PACS2: variants seen among roughly 807,000 people sequenced by gnomAD.
PACS2 encodes PACS1-like protein.
In PACS2, 36 loss-of-function variants were observed where a neutral mutation model predicts 113.0. The observed-to-expected ratio is 0.32, with a 90% CI of 0.24 to 0.42. The LOEUF is 0.42. Among genes scored for constraint, PACS2 ranks in the 10% least tolerant of loss-of-function variants. PACS2 has a pLI of 1.00. For synonymous variants in PACS2, 589 were observed against 536.1 expected, an observed-to-expected ratio of 1.10 and a Z score of -1.36; for missense variants, 1,015 against 1,239.5, an observed-to-expected ratio of 0.82 and a Z score of 2.72.
chr14:105,360,549 A>G (rs2060640772), intron 4 of PACS2, among the ~76,000 whole-genome samples: 3 of 151,666 alleles, frequency 2.0e-5, no homozygotes, highest in African/African-American at 7.3e-5. Context: ...TCTCAAAAAA[A>G]AAAAAAAAAG....
rs979785578 is a variant in PACS2 at position 105,330,242 on chromosome 14, A to T, written c.119+15205A>T. Among the ~76,000 whole-genome samples the T allele has an allele frequency of 6.7e-5, 6 of 89,498 alleles. No homozygotes were observed. The highest frequency in any genetic ancestry group is 1.3e-4 in the Non-Finnish European group (6 of 46,978). 58.7% of individuals were successfully genotyped at this position (89,498 alleles called of 152,430 possible). A position where few individuals can be genotyped will look rare whatever the true frequency, so the allele number is the denominator to read the frequency against. On this transcript the variant is annotated intron_variant, in intron 1 of 24. Coordinates refer to ENST00000447393, the MANE Select transcript of PACS2 (RefSeq NM_001100913.3). This position sits in a 1 kb window ranked among gnomAD's most constrained non-coding sequence, Gnocchi z 6.9. ...TGTGTGGGACGGAACGGGGACAGGG[A>T]GCCTCCGAGAAGCCTGGGGTCCGTG... is the stretch of plus-strand genomic sequence containing the variant.
rs1252899760 is a variant in PACS2, at chr14:105,383,489, A to G, written c.1756A>G (p.Met586Val). 2.5e-6 allele frequency: 4 copies of G among 1,601,456 alleles called. No individual in the cohort carries two copies. The highest frequency in any genetic ancestry group is 1.7e-5 in the Admixed American group (1 of 59,686). The change falls in exon 16 of 25, where the codon ATG becomes GTG. Residue 586 changes from methionine (M) to valine (V), a missense_variant. By Grantham distance (21) the Met-to-Val change is conservative (BLOSUM62 1). This residue lies in a region of PACS2 where 859 missense variants were observed against 1,056.8 expected (regional missense o/e 0.81). Transcript: ENST00000447393. The stretch of plus-strand genomic sequence containing the variant: ...CAAGACACCCGACTGGCTCGGCTAC[A>G]TGCGCTTCCTGGTCATCCCACTGGG... ...SHKTPDWLGY[M>V]RFLVIPLGSH...
In PACS2 at chr14:105,340,899, C is replaced by T. The variant is rs1252112621; in HGVS notation, c.120-7594C>T. Among the ~76,000 whole-genome samples the T allele has an allele frequency of 6.6e-6, 1 of 152,252 alleles. No homozygotes were observed. Among genetic ancestry groups the T allele is most frequent in the South Asian group, 2.1e-4 (1 of 4,832 alleles). ...GGGCCTGCTGCCTCTGCTCAGGGCC[C>T]CTAGTGGGGCTGCTTGCTCAGCACC... is the stretch of plus-strand genomic sequence containing the variant. On this transcript the variant is annotated intron_variant, in intron 1 of 24. Transcript: ENST00000447393. This position sits in a 1 kb window ranked among gnomAD's most constrained non-coding sequence, Gnocchi z 4.2.
At chr14:105,394,508 G>A (rs1555415966) in intron 24 of PACS2, 46 bp from the exon 25 acceptor site, 3 of 1,604,100 alleles carry the variant, frequency 1.9e-6, no homozygotes, top group Non-Finnish European at 2.6e-6. Flanking sequence ...GATAGGGTGG[G>A]CAGGCCGGGC....
chr14:105,364,493 C>T (rs868960174), intron 4 of PACS2, among the ~76,000 whole-genome samples: 1 of 141,018 alleles, frequency 7.1e-6, no homozygotes, highest in Non-Finnish European at 1.5e-5. Flanking sequence ...GGTGGCGGCC[C>T]GGGTGCGCGG....
chr14:105,390,150 T>G, intron 20 of PACS2, 147 bp downstream of exon 20: 1 of 781,302 alleles, frequency 1.3e-6, no homozygotes, highest in South Asian at 1.4e-5. Context: ...CTGGCCTGTC[T>G]CAAAGCTCGC....
rs1555408533 is a variant in PACS2, at chr14:105,368,500, G to A, written c.702G>A (p.Lys234=). ...ACTTTGACGTGGGGAAGCCGAAGAA[G>A]CAGCGGAGATCGATTGTAAGAACGA... is the stretch of plus-strand genomic sequence containing the variant. ...EDDFDVGKPK[K]QRRSIVRTTS... Residue 234 remains lysine (K), a synonymous_variant, in exon 7 of 25, where the codon AAG becomes AAA. Coordinates refer to ENST00000447393, the MANE Select transcript of PACS2 (RefSeq NM_001100913.3). The A allele has an allele frequency of 1.2e-6, 2 of 1,614,104 alleles. No homozygotes were observed. The highest frequency in any genetic ancestry group is 1.1e-5 in the South Asian group (1 of 91,086).
In PACS2 at chr14:105,382,846, G is replaced by C. The variant is rs1555412428; in HGVS notation, c.1558G>C (p.Val520Leu). The C allele has an allele frequency of 1.2e-6, 2 of 1,607,530 alleles. No homozygotes were observed. The highest frequency in any genetic ancestry group is 1.7e-6 in the Non-Finnish European group (2 of 1,179,468). The change falls in exon 15 of 25, where the codon GTG becomes CTG. Residue 520 changes from valine to leucine, a missense_variant. Val to Leu is a conservative substitution (Grantham distance 32, BLOSUM62 1). Around this residue, in one of 3 missense-constraint regions of PACS2, gnomAD observed 859 missense variants for 1,056.8 expected, o/e 0.81. Transcript: ENST00000447393. ...DVLQRHTLPV[V>L]CTCSPADVQA... ...CCTGCAGAGGCACACGCTCCCCGTG[G>C]TGTGCACGTGCTCTCCTGCGGACGT...
chr14:105,337,026 G>A (rs949089000), intron 1 of PACS2, among the ~76,000 whole-genome samples: 4 of 152,134 alleles, frequency 2.6e-5, no homozygotes, highest in East Asian at 1.9e-4. Flanking sequence ...GTGGCCCTCC[G>A]CACCACCCAG....
intron 1 of PACS2, among the ~76,000 whole-genome samples, chr14:105,337,784 C>T (rs971964481): frequency 4.6e-5 from 7 of 152,208 alleles, no homozygotes; most frequent in Admixed American, 2.0e-4. Context: ...GGCCTCTGTG[C>T]CTCTGAACAA....
rs1555408052 is a variant in PACS2, at chr14:105,366,948, C to CT, written c.424-264dup. ...CCTCTCCAGCACAGCCCAGTGCCCT[C>CT]TGCTTATGGCCCGTTCGTGAAAGCT... On this transcript the variant is annotated intron_variant, in intron 4 of 24. Coordinates refer to ENST00000447393, the MANE Select transcript of PACS2 (RefSeq NM_001100913.3). This position sits in a 1 kb window ranked among gnomAD's most constrained non-coding sequence, Gnocchi z 4.3. Among the ~76,000 whole-genome samples, 1 of 152,200 alleles carries CT rather than the reference C, an allele frequency of 6.6e-6. No homozygotes were observed. Among genetic ancestry groups the CT allele is most frequent in the African/African-American group, 2.4e-5 (1 of 41,448 alleles).
chr14:105,349,761 C>G (rs1044500659), intron 2 of PACS2, among the ~76,000 whole-genome samples: 5 of 152,198 alleles, frequency 3.3e-5, no homozygotes, highest in Non-Finnish European at 5.9e-5. Flanking sequence ...TGGCCAGGTT[C>G]CCCGGGTGGT....
In PACS2 at chr14:105,356,907, G is replaced by A. The variant is rs1474330308; in HGVS notation, c.423+1730G>A. ...CCTGCTGATCCCTGCTGGTCCCTGT[G>A]TTTCCCATTAGCCATGCAGGCGATG... On this transcript the variant is annotated intron_variant, in intron 4 of 24. Coordinates refer to ENST00000447393, the MANE Select transcript of PACS2 (RefSeq NM_001100913.3). The surrounding 1 kb of genome is among the most constrained non-coding windows in gnomAD (Gnocchi z 4.0). 6.8e-6 allele frequency among the ~76,000 whole-genome samples: 1 copy of A among 146,036 alleles called. No homozygotes were observed. The highest frequency in any genetic ancestry group is 2.7e-5 in the African/African-American group (1 of 36,414).
intron 1 of PACS2, among the ~76,000 whole-genome samples, chr14:105,326,215 C>T (rs929451063): frequency 6.6e-6 from 1 of 152,162 alleles, no homozygotes; most frequent in African/African-American, 2.4e-5. Context: ...ACAGGTGGGG[C>T]GGGGGCTCCC....
At chr14:105,353,056 C>T (rs587762930) in intron 3 of PACS2, among the ~76,000 whole-genome samples, 59 of 108,812 alleles carry the variant, frequency 5.4e-4, no homozygotes, top group South Asian at 1.1e-3. Flanking sequence ...CCTGGGGAGA[C>T]GGGCACCCCC....
rs587596189 is a variant in PACS2 at position 105,354,807 on chromosome 14, G to A, written c.298-245G>A. 4.6e-5 allele frequency among the ~76,000 whole-genome samples: 7 copies of A among 152,348 alleles called. No homozygotes were observed. Among genetic ancestry groups the A allele is most frequent in the East Asian group, 3.9e-4 (2 of 5,184 alleles). On this transcript the variant is annotated intron_variant, in intron 3 of 24. Coordinates refer to ENST00000447393, the MANE Select transcript of PACS2 (RefSeq NM_001100913.3). The surrounding 1 kb of genome is among the most constrained non-coding windows in gnomAD (Gnocchi z 4.2). The stretch of plus-strand genomic sequence containing the variant: ...CACCTGCCATGGCTGTTAGCGTGGC[G>A]CGGAGCCCTCAGGGCCTGAGCTCTG...
At chr14:105,314,305 T>G (rs957419894), upstream of PACS2, 2 of 138,128 alleles carry the variant, frequency 1.4e-5, no homozygotes, top group Non-Finnish European at 1.6e-5. Flanking sequence ...CATGGCGGGG[T>G]GGAGGCGGGA....
chr14:105,327,322 A>G (rs1246853778), intron 1 of PACS2, among the ~76,000 whole-genome samples: 9 of 152,328 alleles, frequency 5.9e-5, no homozygotes, highest in African/African-American at 2.2e-4. Context: ...CGGCCAGGTC[A>G]GTGCCTGCCG....
At chr14:105,392,482 C>T in intron 22 of PACS2, 137 bp from the exon 23 acceptor site, 1 of 710,646 alleles carries the variant, frequency 1.4e-6, no homozygotes, top group South Asian at 1.7e-5. Context: ...AGAGCATGCT[C>T]CAAGCACCCG....
Sources: allele counts gnomAD v4.1 joint callset (sites outside exome capture counted in the v4.1 genomes callset), GRCh38; gene constraint gnomAD v4.1.1; regional missense constraint gnomAD v4.1.1; non-coding constraint Gnocchi (gnomAD v3.1); transcripts MANE v1.5; gene names NCBI Gene and HGNC (gene_info 2026-07-23, HGNC 2026-07-21).